CRYBG1: variants seen among roughly 807,000 people sequenced by gnomAD.
CRYBG1 encodes crystallin beta-gamma domain containing 1.
In CRYBG1, 139 loss-of-function variants were observed where a neutral mutation model predicts 189.2. That is an observed-to-expected ratio of 0.73 (90% CI 0.64 to 0.85). The LOEUF is 0.85. Ranked by LOEUF, CRYBG1 falls within the 40% of genes least tolerant of loss-of-function variation. The pLI is 0.00. For missense variants in CRYBG1, 2,611 were observed against 2,675.8 expected, an observed-to-expected ratio of 0.98 and a Z score of 0.53; for synonymous variants, 1,023 against 1,017.1, an observed-to-expected ratio of 1.01 and a Z score of -0.11.
At position 106,512,581 on chromosome 6, in the gene CRYBG1, C is replaced by T. The variant is rs1370550510; in HGVS notation, c.1464C>T (p.Pro488=). The T allele has an allele frequency of 6.2e-7, 1 of 1,606,038 alleles. No homozygotes were observed. The highest frequency in any genetic ancestry group is 8.5e-7 in the Non-Finnish European group (1 of 1,177,076). ...VASAASPESK[P]SPGTKGQLRG... is the part of the protein sequence containing the mutation. Reference sequence around the variant, plus strand: ...CCGCTGCGAGCCCAGAGTCCAAGCCCAGCCCCGGTACCAAAGGGCAGCTCC... The same window carrying T: ...CCGCTGCGAGCCCAGAGTCCAAGCCTAGCCCCGGTACCAAAGGGCAGCTCC... The change falls in exon 3 of 22, where the codon CCC becomes CCT. Residue 488 remains proline, a synonymous_variant. Transcript: ENST00000633556.
rs1006458055 is a variant in CRYBG1, at chr6:106,561,519, C to T, written c.6138+19C>T. ...ATGCAGGGTGAGCTTTAGGATTCCA[C>T]GGGGGCCTGTGATGGCTTTGCTAGG... On this transcript the variant is annotated intron_variant, in intron 20 of 21. Coordinates refer to ENST00000633556, the MANE Select transcript of CRYBG1 (RefSeq NM_001371242.2). 26 of 1,603,348 alleles carry T rather than the reference C, an allele frequency of 1.6e-5. No homozygotes were observed. The highest frequency in any genetic ancestry group is 2.0e-5 in the Non-Finnish European group (24 of 1,173,288).
chr6:106,479,086 A>C (rs1307621773), intron 2 of CRYBG1, among the ~76,000 whole-genome samples: 1 of 152,222 alleles, frequency 6.6e-6, no homozygotes, highest in Non-Finnish European at 1.5e-5. Flanking sequence ...TTTTATTGCC[A>C]AAAAATGCCA....
intron 1 of CRYBG1, among the ~76,000 whole-genome samples, chr6:106,393,426 C>T (rs879312277): frequency 4.1e-4 from 62 of 150,800 alleles, no homozygotes; most frequent in Non-Finnish European, 8.1e-4. Flanking sequence ...TTCCCTGGGG[C>T]ATTCCTCCTA....
intron 1 of CRYBG1, among the ~76,000 whole-genome samples, chr6:106,412,921 C>T (rs1321028036): frequency 8.5e-6 from 1 of 117,624 alleles, no homozygotes; most frequent in Non-Finnish European, 1.7e-5. Flanking sequence ...TCTGTCAGTA[C>T]AGAAATCCAA....
intron 1 of CRYBG1, among the ~76,000 whole-genome samples, chr6:106,403,539 C>A (rs973248624): frequency 6.6e-6 from 1 of 152,184 alleles, no homozygotes; most frequent in Non-Finnish European, 1.5e-5. Flanking sequence ...TTCTACAGTG[C>A]GGAGCACCAC....
chr6:106,422,344 A>ATTTATTTATTTATTTT (rs57640822), intron 1 of CRYBG1, among the ~76,000 whole-genome samples: 6,434 of 139,776 alleles, frequency 0.046, 222 homozygotes, highest in African/African-American at 0.059. Context: ...TTATTTATTT[A>ATTTATTTATTTATTTT]TTTTTGAGAC....
chr6:106,508,128 A>G lies in CRYBG1; in HGVS notation c.313-3302A>G, dbSNP rs1231867157. Among the ~76,000 whole-genome samples, 2 of 152,210 alleles carry G rather than the reference A, an allele frequency of 1.3e-5. 1 individual carries two copies. The highest frequency in any genetic ancestry group is 3.8e-4 in the East Asian group (2 of 5,198). The stretch of plus-strand genomic sequence containing the variant: ...CATGGTGGCACATGCCTATAGTCTC[A>G]GCTACTTGGGAAGCTGAGGTGGAAG... On this transcript the variant is annotated intron_variant, in intron 2 of 21. Transcript: ENST00000633556.
At position 106,543,541 on chromosome 6, in the gene CRYBG1, T is replaced by G. The variant is rs111326671; in HGVS notation, c.4983T>G (p.Thr1661=). The part of the protein sequence containing the change: ...VMEGGETEEA[T]GDDHLPFTSV... The stretch of plus-strand genomic sequence containing the variant: ...AGGGAGGTGAAACAGAAGAGGCGAC[T>G]GGAGACGATCATTTGCCGTTTACGT... Residue 1661 remains threonine (T), a synonymous_variant, in exon 11 of 22, where the codon ACT becomes ACG. Transcript: ENST00000633556. 839 of 1,614,096 alleles carry G rather than the reference T, an allele frequency of 5.2e-4. 7 individuals carry two copies. The African/African-American group carries it at 0.01, about 19-fold the overall frequency.
At chr6:106,466,901 G>T (rs1302465159) in intron 2 of CRYBG1, among the ~76,000 whole-genome samples, 2 of 152,202 alleles carry the variant, frequency 1.3e-5, no homozygotes, top group Non-Finnish European at 2.9e-5. Flanking sequence ...TGTGATAAAT[G>T]AAATATTTCA....
intron 1 of CRYBG1, among the ~76,000 whole-genome samples, chr6:106,408,350 A>G (rs1459907822): frequency 2.0e-5 from 3 of 152,228 alleles, no homozygotes; most frequent in Non-Finnish European, 4.4e-5. Context: ...GAATAGACCA[A>G]TAACAAGTTC....
At chr6:106,418,133 T>A (rs1461511479) in intron 1 of CRYBG1, among the ~76,000 whole-genome samples, 1 of 152,212 alleles carries the variant, frequency 6.6e-6, no homozygotes, top group Non-Finnish European at 1.5e-5. Flanking sequence ...ACAAAACAGC[T>A]TTCTGTGGAG....
chr6:106,547,155 G>A (rs558292016), intron 13 of CRYBG1, among the ~76,000 whole-genome samples: 1 of 149,664 alleles, frequency 6.7e-6, no homozygotes. Context: ...GGTAGAAGGG[G>A]GAAGTTGAAG....
chr6:106,452,470 G>A (rs1298646563), intron 2 of CRYBG1, among the ~76,000 whole-genome samples: 5 of 150,338 alleles, frequency 3.3e-5, no homozygotes, highest in Non-Finnish European at 5.9e-5. Context: ...TTGACTCTTT[G>A]CTTTTTGCTG....
intron 1 of CRYBG1, among the ~76,000 whole-genome samples, chr6:106,379,923 A>G (rs1338950595): frequency 6.6e-6 from 1 of 152,252 alleles, no homozygotes; most frequent in Non-Finnish European, 1.5e-5. Context: ...GGTGAACATT[A>G]CAATTTTAAT....
intron 8 of CRYBG1, among the ~76,000 whole-genome samples, chr6:106,531,222 A>G (rs1485743999): frequency 6.6e-6 from 1 of 152,210 alleles, no homozygotes; most frequent in Non-Finnish European, 1.5e-5. Flanking sequence ...TATCTTAGAA[A>G]AATAATTTGC....
chr6:106,509,673 CT>C (rs1336208563), intron 2 of CRYBG1, among the ~76,000 whole-genome samples: 2 of 151,890 alleles, frequency 1.3e-5, no homozygotes, highest in African/African-American at 4.8e-5. Context: ...TAGTCTGTTC[CT>C]CTGGGCCGAC....
intron 1 of CRYBG1, among the ~76,000 whole-genome samples, chr6:106,395,944 G>A (rs556708099): frequency 1.3e-5 from 2 of 152,184 alleles, no homozygotes; most frequent in South Asian, 2.1e-4. Flanking sequence ...TCATGTTTCC[G>A]CTTCCATTTT....
At chr6:106,432,710 C>T (rs1771353561) in intron 1 of CRYBG1, among the ~76,000 whole-genome samples, 1 of 152,244 alleles carries the variant, frequency 6.6e-6, no homozygotes, top group Admixed American at 6.5e-5. Context: ...TGCACCTCCG[C>T]CTGTCCTCCT....
intron 8 of CRYBG1, among the ~76,000 whole-genome samples, chr6:106,536,808 A>C (rs1052469010): frequency 6.6e-6 from 1 of 152,246 alleles, no homozygotes; most frequent in Non-Finnish European, 1.5e-5. Flanking sequence ...ACCCAAGTAC[A>C]TGGGAAAATA....
Sources: gnomAD v4.1 joint callset for allele counts (sites outside exome capture counted in the v4.1 genomes callset) on GRCh38, gnomAD v4.1.1 for gene constraint, MANE v1.5 for transcripts, NCBI Gene and HGNC (gene_info 2026-07-23, HGNC 2026-07-21) for gene names.